The following BMP8A variants were observed in gnomAD, a reference collection of about 807,000 sequenced individuals.
BMP8A encodes bone morphogenetic protein 8a.
In BMP8A, 14 loss-of-function variants were observed where a neutral mutation model predicts 36.8. The observed-to-expected ratio is 0.38, with a 90% CI of 0.25 to 0.60. BMP8A has a LOEUF of 0.60. Ranked by LOEUF, BMP8A falls within the 20% of genes least tolerant of loss-of-function variation. BMP8A has a pLI of 0.63. For missense variants in BMP8A, 267 were observed against 551.1 expected, an observed-to-expected ratio of 0.48 and a Z score of 5.16; for synonymous variants, 120 against 237.7, an observed-to-expected ratio of 0.50 and a Z score of 4.55.
intron 1 of BMP8A, among the ~76,000 whole-genome samples, chr1:39,493,850 C>T (rs578104171): frequency 1.3e-4 from 20 of 152,302 alleles, no homozygotes; most frequent in Admixed American, 5.9e-4. Flanking sequence ...ATGGAGTCGT[C>T]CAAGAATGTC....
Position 39,527,328 on chromosome 1 carries a change from A to T in BMP8A, c.*1530A>T, listed in dbSNP as rs1244627671. Among the ~76,000 whole-genome samples the T allele has an allele frequency of 6.6e-6, 1 of 152,064 alleles. No homozygotes were observed. ...CACTGGGAGTTGGAGTGTTTATTTG[A>T]TTTCTGACTTGCTAAGCCTGTAATT... On this transcript the variant is annotated 3_prime_UTR_variant, in exon 7 of 7. Transcript: ENST00000331593.
intron 3 of BMP8A, among the ~76,000 whole-genome samples, chr1:39,517,235 G>A (rs374168160): frequency 1.4e-4 from 22 of 152,014 alleles, no homozygotes; most frequent in East Asian, 1.2e-3. Flanking sequence ...GAGCTCAAGC[G>A]ATCCACTTGC....
In BMP8A at chr1:39,528,128, G is replaced by T. The variant is rs1251437130; in HGVS notation, c.*2330G>T. On this transcript the variant is annotated 3_prime_UTR_variant, in exon 7 of 7. Coordinates refer to ENST00000331593, the MANE Select transcript of BMP8A (RefSeq NM_181809.4). ...TGAATGTTTTCAAGACGCAAACGCT[G>T]CTATGCCCATCAGGTGTGCACAGCA... is the stretch of plus-strand genomic sequence containing the variant. Among the ~76,000 whole-genome samples, 3 of 152,238 alleles carry T rather than the reference G, an allele frequency of 2.0e-5. No homozygotes were observed. The highest frequency in any genetic ancestry group is 2.0e-4 in the Admixed American group (3 of 15,282).
chr1:39,517,822 GC>G (rs1459851816), intron 3 of BMP8A, among the ~76,000 whole-genome samples: 23 of 152,276 alleles, frequency 1.5e-4, no homozygotes, highest in African/African-American at 5.5e-4. Flanking sequence ...GGGAGAGGCT[GC>G]CGGTCCTGAA....
chr1:39,510,671 C>T (rs1020006776), intron 1 of BMP8A, among the ~76,000 whole-genome samples: 29 of 152,130 alleles, frequency 1.9e-4, no homozygotes, highest in Admixed American at 5.9e-4. Context: ...CCTCCCCTGC[C>T]GCACCTCCCA....
intron 1 of BMP8A, among the ~76,000 whole-genome samples, chr1:39,495,843 TC>T (rs1645200522): frequency 6.6e-6 from 1 of 152,116 alleles, no homozygotes; most frequent in African/African-American, 2.4e-5. Flanking sequence ...GTGCCCATGT[TC>T]CAGATTGAGA....
At chr1:39,515,587 A>G in intron 3 of BMP8A, 2 of 1,492,710 alleles carry the variant, frequency 1.3e-6, no homozygotes, top group Non-Finnish European at 1.8e-6. Context: ...GCCCTGGTGA[A>G]AGGGTGGAAG....
rs1180341 is a variant in BMP8A, at chr1:39,527,136, T to C, written c.*1338T>C. Among the ~76,000 whole-genome samples the C allele has an allele frequency of 0.49, 73,863 of 151,912 alleles. 19,058 individuals are homozygous for C. Among genetic ancestry groups the C allele is most frequent in the South Asian group, 0.75 (3,607 of 4,820 alleles). ...TTATGAACAAGCTGGCCACCAAAATTGGCGTCACCCTGGGTGCCCACCAGC... is the reference window on the plus strand; with the variant it reads ...TTATGAACAAGCTGGCCACCAAAATCGGCGTCACCCTGGGTGCCCACCAGC... On this transcript the variant is annotated 3_prime_UTR_variant, in exon 7 of 7. Transcript: ENST00000331593.
At chr1:39,516,997 C>CTT (rs557663367) in intron 3 of BMP8A, among the ~76,000 whole-genome samples, 1 of 150,092 alleles carries the variant, frequency 6.7e-6, no homozygotes, top group African/African-American at 2.5e-5. Flanking sequence ...TTTCTTTTTT[C>CTT]TTTTTTTTTG....
chr1:39,517,512 A>G (rs1645402485), intron 3 of BMP8A, among the ~76,000 whole-genome samples: 1 of 151,892 alleles, frequency 6.6e-6, no homozygotes. Context: ...AACAGTAGAG[A>G]TAGGGTTTCT....
At chr1:39,505,424 A>C (rs1645292837) in intron 1 of BMP8A, among the ~76,000 whole-genome samples, 1 of 152,350 alleles carries the variant, frequency 6.6e-6, no homozygotes, top group Non-Finnish European at 1.5e-5. Context: ...GAGTCAATAC[A>C]GTACATGTTT....
chr1:39,507,439 C>A (rs1267361700), intron 1 of BMP8A, among the ~76,000 whole-genome samples: 1 of 152,164 alleles, frequency 6.6e-6, no homozygotes, highest in Non-Finnish European at 1.5e-5. Flanking sequence ...GTCTAGAGGC[C>A]TCGAGCGCTT....
intron 1 of BMP8A, among the ~76,000 whole-genome samples, chr1:39,505,635 A>T (rs1248477605): frequency 6.6e-6 from 1 of 152,202 alleles, no homozygotes; most frequent in Non-Finnish European, 1.5e-5. Context: ...ATGAGAAAAC[A>T]TGAGACAAAC....
intron 1 of BMP8A, among the ~76,000 whole-genome samples, chr1:39,509,456 C>T (rs971475438): frequency 9.8e-5 from 15 of 152,294 alleles, no homozygotes; most frequent in Non-Finnish European, 2.1e-4. Context: ...GGGAAGAGAT[C>T]GTGGCCTGTG....
intron 1 of BMP8A, among the ~76,000 whole-genome samples, chr1:39,500,743 C>G (rs866279210): frequency 6.6e-6 from 1 of 152,106 alleles, no homozygotes; most frequent in African/African-American, 2.4e-5. Flanking sequence ...ACCTCTACCT[C>G]CTGGGTTCAA....
In BMP8A at chr1:39,491,886, C is replaced by A. The variant is rs1645160895; in HGVS notation, c.-106C>A. ...GCCGCAGACGCCGCCCGCCGAGCCC[C>A]GCCCCCTGCTCGCCGAACTCAGCTC... On this transcript the variant is annotated 5_prime_UTR_variant, in exon 1 of 7. Coordinates refer to ENST00000331593, the MANE Select transcript of BMP8A (RefSeq NM_181809.4). 11 of 958,436 alleles carry A rather than the reference C, an allele frequency of 1.1e-5. No individual in the cohort carries two copies. Among genetic ancestry groups the A allele is most frequent in the Non-Finnish European group, 1.4e-5 (11 of 795,846 alleles). The allele number at this position is 958,436 out of a possible 1,614,324, so 59.4% of individuals were successfully genotyped here.
intron 1 of BMP8A, among the ~76,000 whole-genome samples, chr1:39,495,517 A>G (rs1454837153): frequency 6.9e-6 from 1 of 144,080 alleles, no homozygotes; most frequent in African/African-American, 2.6e-5. Context: ...GAGAGCCCTG[A>G]GCTGGGAGGC....
intron 1 of BMP8A, among the ~76,000 whole-genome samples, chr1:39,496,444 T>G (rs1193518305): frequency 6.6e-6 from 1 of 151,290 alleles, no homozygotes; most frequent in Non-Finnish European, 1.5e-5. Context: ...ATTTGCATCC[T>G]GACGCCAACA....
chr1:39,498,575 C>G (rs1417292531), intron 1 of BMP8A, among the ~76,000 whole-genome samples: 1 of 152,188 alleles, frequency 6.6e-6, no homozygotes, highest in Non-Finnish European at 1.5e-5. Flanking sequence ...GCTGGAAATA[C>G]CTCAGCATGG....
Sources: allele counts gnomAD v4.1 joint callset (sites outside exome capture counted in the v4.1 genomes callset), GRCh38; gene constraint gnomAD v4.1.1; transcripts MANE v1.5; gene names NCBI Gene and HGNC (gene_info 2026-07-23, HGNC 2026-07-21).